Variants in RAP1GAP2 observed in about 807,000 individuals in gnomAD.
RAP1GAP2 encodes the protein RAP1 GTPase activating protein 2.
Under a neutral mutation model 95.0 loss-of-function variants are expected in RAP1GAP2, and 27 were observed. That is an observed-to-expected ratio of 0.28 (90% confidence interval 0.21 to 0.39). RAP1GAP2 has a LOEUF of 0.39. Among genes scored for constraint, RAP1GAP2 ranks in the 10% least tolerant of loss-of-function variants. RAP1GAP2 has a pLI of 1.00. For synonymous variants in RAP1GAP2, 373 were observed against 380.9 expected (o/e 0.98, Z 0.24); for missense variants, 771 against 970.0 (o/e 0.79, Z 2.72).
At chr17:2,767,514 C>G (rs1451359042) in intron 1 of RAP1GAP2, among the ~76,000 whole-genome samples, 1 of 151,806 alleles carries the variant, frequency 6.6e-6, no homozygotes, top group African/African-American at 2.4e-5. Flanking sequence ...GCTTTTGTGT[C>G]TCCAGAGTTT....
rs1238441998 is a variant in RAP1GAP2 at position 2,987,030 on chromosome 17, G to A, written c.813+1964G>A. Among the ~76,000 whole-genome samples the A allele has an allele frequency of 3.3e-5, 5 of 152,296 alleles. No homozygotes were observed. The East Asian group carries it at 9.7e-4, about 29-fold the overall frequency. On this transcript the variant is annotated intron_variant, in intron 11 of 24. Coordinates refer to ENST00000254695, the MANE Select transcript of RAP1GAP2 (RefSeq NM_015085.5). ...TAGTAAATATTTTTAGACTTCATGGGCCTTGGAGTCTCTGTGACAGCCTCT... is the reference window on the plus strand; with the variant it reads ...TAGTAAATATTTTTAGACTTCATGGACCTTGGAGTCTCTGTGACAGCCTCT...
chr17:2,845,024 C>T (rs78611618), intron 2 of RAP1GAP2, among the ~76,000 whole-genome samples: 1 of 152,180 alleles, frequency 6.6e-6, no homozygotes, highest in Non-Finnish European at 1.5e-5. Flanking sequence ...AATCAGTGTC[C>T]CCGCCTCATC....
chr17:2,833,749 C>G (rs1030076187), intron 2 of RAP1GAP2, among the ~76,000 whole-genome samples: 46 of 150,454 alleles, frequency 3.1e-4, no homozygotes, highest in Non-Finnish European at 6.2e-4. Context: ...AGTTGACTGT[C>G]TACACATGAA....
chr17:2,792,706 G>C (rs2068957221), upstream of RAP1GAP2, among the ~76,000 whole-genome samples: 1 of 152,218 alleles, frequency 6.6e-6, no homozygotes, highest in Non-Finnish European at 1.5e-5. Flanking sequence ...TCCTTGGCCG[G>C]GTGTCTGACT....
At chr17:2,831,838 T>C (rs1180830269) in intron 2 of RAP1GAP2, among the ~76,000 whole-genome samples, 1 of 152,106 alleles carries the variant, frequency 6.6e-6, no homozygotes, top group Non-Finnish European at 1.5e-5. Context: ...GAGGCTGCCA[T>C]GAGCTGTGAT....
At chr17:2,816,168 G>C (rs779319765) in intron 2 of RAP1GAP2, among the ~76,000 whole-genome samples, 3 of 151,940 alleles carry the variant, frequency 2.0e-5, no homozygotes, top group Non-Finnish European at 4.4e-5. Flanking sequence ...AGCCGGCTCC[G>C]GGGGCATCCT....
chr17:2,912,266 C>T (rs2042411535), intron 3 of RAP1GAP2, among the ~76,000 whole-genome samples: 1 of 152,122 alleles, frequency 6.6e-6, no homozygotes. Context: ...TCATGGATTA[C>T]CCACCGGCCA....
In RAP1GAP2 at chr17:2,862,140, G is replaced by A. The variant is rs577278688; in HGVS notation, c.81-43144G>A. 7.0e-4 allele frequency among the ~76,000 whole-genome samples: 107 copies of A among 152,280 alleles called. 2 individuals carry two copies. Among genetic ancestry groups the A allele is most frequent in the Admixed American group, 1.6e-3 (25 of 15,294 alleles). On this transcript the variant is annotated intron_variant, in intron 2 of 24. Coordinates refer to ENST00000254695, the MANE Select transcript of RAP1GAP2 (RefSeq NM_015085.5). ...AGCTTTGGGACCCGTAGACGTGAGA[G>A]GGACCAGGCTCAGCCATGACCGTCC...
chr17:2,792,495 C>T (rs2068950181), upstream of RAP1GAP2, among the ~76,000 whole-genome samples: 1 of 152,158 alleles, frequency 6.6e-6, no homozygotes, highest in African/African-American at 2.4e-5. Context: ...TGGGAAAGGC[C>T]CTAGGAAGAC....
intron 11 of RAP1GAP2, among the ~76,000 whole-genome samples, chr17:2,987,502 C>T (rs2045596280): frequency 4.6e-5 from 7 of 152,038 alleles, no homozygotes; most frequent in Admixed American, 4.6e-4. Flanking sequence ...GCTGGGATTA[C>T]AGGCAGGCAC....
intron 1 of RAP1GAP2, among the ~76,000 whole-genome samples, chr17:2,779,256 G>C (rs543245129): frequency 2.7e-3 from 404 of 152,356 alleles, no homozygotes; most frequent in Non-Finnish European, 4.3e-3. Context: ...GGTTTCCTTA[G>C]CTGGGTGTTT....
chr17:2,890,060 T>A (rs2151693325), intron 2 of RAP1GAP2, among the ~76,000 whole-genome samples: 1 of 151,564 alleles, frequency 6.6e-6, no homozygotes, highest in East Asian at 1.9e-4. Flanking sequence ...AGCATGCTGT[T>A]GAGATGAGAT....
chr17:2,811,935 G>A (rs1374702101), intron 2 of RAP1GAP2, among the ~76,000 whole-genome samples: 1 of 151,962 alleles, frequency 6.6e-6, no homozygotes, highest in Non-Finnish European at 1.5e-5. Context: ...GGCTGGTCTC[G>A]AACTCCCAAC....
At chr17:2,845,927 T>G (rs1003658447) in intron 2 of RAP1GAP2, among the ~76,000 whole-genome samples, 5 of 152,092 alleles carry the variant, frequency 3.3e-5, no homozygotes, top group African/African-American at 1.2e-4. Context: ...CTCACGCCTG[T>G]AATTCCAGCA....
At chr17:2,986,332 A>AT (rs1298582760) in intron 11 of RAP1GAP2, among the ~76,000 whole-genome samples, 1 of 152,136 alleles carries the variant, frequency 6.6e-6, no homozygotes, top group Non-Finnish European at 1.5e-5. Flanking sequence ...CACATATTAC[A>AT]TTTTTATTTT....
At position 2,976,216 on chromosome 17, in the gene RAP1GAP2, T is replaced by C. The variant is rs995871019; in HGVS notation, c.597-4071T>C. On this transcript the variant is annotated intron_variant, in intron 8 of 24. Coordinates refer to ENST00000254695, the MANE Select transcript of RAP1GAP2 (RefSeq NM_015085.5). The stretch of plus-strand genomic sequence containing the variant: ...GTGAGGCTATGGAAGACTTGAAAGA[T>C]ACAGTTAACAAATTTGATCTTGGCT... Among the ~76,000 whole-genome samples, 6 of 152,238 alleles carry C rather than the reference T, an allele frequency of 3.9e-5. No homozygotes were observed. The South Asian group carries it at 1.2e-3, about 31-fold the overall frequency.
intron 2 of RAP1GAP2, among the ~76,000 whole-genome samples, chr17:2,898,568 G>A (rs558228886): frequency 6.6e-6 from 1 of 152,294 alleles, no homozygotes; most frequent in South Asian, 2.1e-4. Context: ...GGGGCCTGGC[G>A]GTTCCCACAT....
chr17:2,763,413 A>G (rs139364432), intron 1 of RAP1GAP2, among the ~76,000 whole-genome samples: 1 of 152,248 alleles, frequency 6.6e-6, no homozygotes, highest in African/African-American at 2.4e-5. Flanking sequence ...AGGTTAAGGA[A>G]GGCCGGGTGC....
Position 2,875,677 on chromosome 17 carries a change from C to T in RAP1GAP2, c.81-29607C>T, listed in dbSNP as rs559166616. Among the ~76,000 whole-genome samples the T allele has an allele frequency of 3.9e-5, 6 of 152,164 alleles. No homozygotes were observed. The South Asian group carries it at 6.2e-4, about 16-fold the overall frequency. ...GATTCAACATTGCCTTTTTTTCTCA[C>T]GACAGTGAATGTCTTGTCCTCCTGG... On this transcript the variant is annotated intron_variant, in intron 2 of 24. Transcript: ENST00000254695.
Sources: allele counts gnomAD v4.1 joint callset (sites outside exome capture counted in the v4.1 genomes callset), GRCh38; gene constraint gnomAD v4.1.1; transcripts MANE v1.5; gene names NCBI Gene and HGNC (gene_info 2026-07-23, HGNC 2026-07-21).